The following DMD variants were observed in gnomAD, a reference collection of about 807,000 sequenced individuals.
The protein encoded by DMD is mutant dystrophin.
In DMD, 63 loss-of-function variants were observed where a neutral mutation model predicts 330.1. The observed-to-expected ratio is 0.19, with a 90% CI of 0.16 to 0.24. The LOEUF is 0.24. DMD is among the 10% of genes least tolerant of loss of function. DMD has a pLI of 1.00. For synonymous variants in DMD, 1,223 were observed against 959.8 expected, an observed-to-expected ratio of 1.27 and a Z score of -5.07; for missense variants, 3,344 against 2,684.1, an observed-to-expected ratio of 1.25 and a Z score of -5.43.
chrX:31,422,039 ATATATT>A (rs1569540547), intron 60 of DMD, among the ~76,000 whole-genome samples: 115 of 7,668 alleles, frequency 0.015, no homozygotes, highest in African/African-American at 0.02. Context: ...ATATATATAT[ATATATT>A]TTTTTTTTTC....
At chrX:33,148,056 A>G (rs1183606939) in intron 1 of DMD, among the ~76,000 whole-genome samples, 1 of 112,049 alleles carries the variant, frequency 8.9e-6, no homozygotes, top group African/African-American at 3.2e-5. Context: ...AAAATCCTTT[A>G]TAGATATTCA....
chrX:32,494,817 T>C lies in DMD; in HGVS notation c.2381-3299A>G, dbSNP rs370873679. 2.1e-3 allele frequency among the ~76,000 whole-genome samples: 235 copies of C among 111,204 alleles called. 1 individual carries two copies. The highest frequency in any genetic ancestry group is 7.6e-3 in the South Asian group (20 of 2,633). The stretch of plus-strand genomic sequence containing the variant: ...TAAAATTAGTCCTAATTTTATATAA[T>C]ATATGACTAATATGGGATATAGAAG... On this transcript the variant is annotated intron_variant, in intron 19 of 78. Transcript: ENST00000357033.
At chrX:31,578,910 A>G (rs915249074) in intron 55 of DMD, among the ~76,000 whole-genome samples, 2 of 112,428 alleles carry the variant, frequency 1.8e-5, no homozygotes, top group African/African-American at 3.2e-5. Context: ...ATTGCCTTCA[A>G]TAAGTTCACA....
chrX:32,327,395 T>C (rs1043813395), intron 41 of DMD, among the ~76,000 whole-genome samples: 1 of 110,896 alleles, frequency 9.0e-6, no homozygotes, highest in African/African-American at 3.3e-5. Flanking sequence ...CTTGGCTGTG[T>C]TGCAGGTAAA....
chrX:33,260,387 C>G (rs910620557), intron 1 of DMD, among the ~76,000 whole-genome samples: 7 of 111,606 alleles, frequency 6.3e-5, no homozygotes, highest in African/African-American at 2.3e-4. Flanking sequence ...TGCATGTTCA[C>G]ATTCTCCAGT....
chrX:32,743,468 C>A (rs754980776), intron 7 of DMD, among the ~76,000 whole-genome samples: 5 of 110,898 alleles, frequency 4.5e-5, no homozygotes, highest in Non-Finnish European at 9.4e-5. Context: ...ATTTTATTAT[C>A]ATTATTAGTA....
intron 71 of DMD, among the ~76,000 whole-genome samples, chrX:31,177,382 T>C (rs748235976): frequency 9.0e-6 from 1 of 111,483 alleles, no homozygotes; most frequent in South Asian, 3.8e-4. Flanking sequence ...TTGTATATAA[T>C]GATTAGTCAA....
At chrX:33,083,500 G>A (rs1424359365) in intron 1 of DMD, among the ~76,000 whole-genome samples, 1 of 111,285 alleles carries the variant, frequency 9.0e-6, no homozygotes, top group Non-Finnish European at 1.9e-5. Context: ...AGAGCAGATA[G>A]TCACCCTGAG....
At chrX:33,127,098 T>A (rs2095469678) in intron 1 of DMD, among the ~76,000 whole-genome samples, 1 of 110,634 alleles carries the variant, frequency 9.0e-6, no homozygotes, top group African/African-American at 3.3e-5. Flanking sequence ...ACTTTTAACT[T>A]TGGATTGTCT....
chrX:32,783,083 A>G (rs953007475), intron 7 of DMD, among the ~76,000 whole-genome samples: 1 of 102,459 alleles, frequency 9.8e-6, no homozygotes, highest in Admixed American at 1.1e-4. Flanking sequence ...ATACACACAC[A>G]TATACATATA....
At chrX:31,942,155 T>G (rs1427708413) in intron 45 of DMD, among the ~76,000 whole-genome samples, 1 of 111,989 alleles carries the variant, frequency 8.9e-6, no homozygotes, top group Non-Finnish European at 1.9e-5. Context: ...AAACAGTGTA[T>G]AAGCATTCCC....
intron 55 of DMD, among the ~76,000 whole-genome samples, chrX:31,583,639 A>G (rs1415561618): frequency 9.1e-6 from 1 of 110,151 alleles, no homozygotes; most frequent in Non-Finnish European, 1.9e-5. Flanking sequence ...AAGTTCTATG[A>G]TTAATTTTTA....
At chrX:32,049,033 CAA>C (rs779570580) in intron 44 of DMD, among the ~76,000 whole-genome samples, 123 of 111,103 alleles carry the variant, frequency 1.1e-3, no homozygotes, top group Non-Finnish European at 2.0e-3. Context: ...AAGAAACAAA[CAA>C]ACAAACAAAA....
intron 13 of DMD, among the ~76,000 whole-genome samples, chrX:32,574,047 C>T (rs956035954): frequency 1.8e-5 from 2 of 111,865 alleles, no homozygotes; most frequent in Non-Finnish European, 3.8e-5. Context: ...TTGTACCTTT[C>T]ATAGAAAAGC....
chrX:33,197,765 G>A (rs139276746), intron 1 of DMD, among the ~76,000 whole-genome samples: 1,635 of 111,360 alleles, frequency 0.015, 31 homozygotes, highest in African/African-American at 0.05. Context: ...TTGAGTATCA[G>A]TAGTTCATTC....
intron 55 of DMD, among the ~76,000 whole-genome samples, chrX:31,551,181 GAAA>G (rs10659535): frequency 1.3e-5 from 1 of 75,319 alleles, no homozygotes; most frequent in South Asian, 6.2e-4. Flanking sequence ...TCCATCTCGG[GAAA>G]AAAAAAAAAA....
chrX:33,063,545 C>A (rs983528608), intron 1 of DMD, among the ~76,000 whole-genome samples: 13 of 111,583 alleles, frequency 1.2e-4, no homozygotes, highest in African/African-American at 4.2e-4. Context: ...TAAGGGAGAA[C>A]CACTTCTGGA....
intron 7 of DMD, among the ~76,000 whole-genome samples, chrX:32,702,931 T>G (rs1463056120): frequency 1.8e-5 from 2 of 111,334 alleles, no homozygotes. Flanking sequence ...GGACACTGAT[T>G]GTTCTGCAGC....
intron 1 of DMD, among the ~76,000 whole-genome samples, chrX:33,152,792 A>T (rs2048340772): frequency 9.0e-6 from 1 of 111,583 alleles, no homozygotes; most frequent in Admixed American, 9.6e-5. Context: ...CAGGAATCAT[A>T]TTGCTATTAT....
Sources: gnomAD v4.1 joint callset for allele counts (sites outside exome capture counted in the v4.1 genomes callset) on GRCh38, gnomAD v4.1.1 for gene constraint, MANE v1.5 for transcripts, NCBI Gene and HGNC (gene_info 2026-07-23, HGNC 2026-07-21) for gene names.